Variants in HPSE2 observed in about 807,000 individuals in gnomAD.
HPSE2 encodes inactive heparanase-2.
A neutral mutation model predicts 60.5 loss-of-function variants in HPSE2; 38 were observed. That is an observed-to-expected ratio of 0.63 (90% CI 0.48 to 0.82). The LOEUF is 0.82. Among genes scored for constraint, HPSE2 ranks in the 40% least tolerant of loss-of-function variants. HPSE2 has a pLI of 0.00. For missense variants in HPSE2, 713 were observed against 740.4 expected (o/e 0.96, Z 0.43); for synonymous variants, 295 against 293.2 (o/e 1.01, Z -0.06).
intron 3 of HPSE2, among the ~76,000 whole-genome samples, chr10:98,843,690 C>T (rs1346575660): frequency 6.6e-6 from 1 of 152,170 alleles, no homozygotes; most frequent in African/African-American, 2.4e-5. Context: ...CATGAAAAAA[C>T]CAGCATTTTA....
chr10:98,668,955 G>A (rs72840540), intron 6 of HPSE2, among the ~76,000 whole-genome samples: 3 of 151,998 alleles, frequency 2.0e-5, no homozygotes, highest in Non-Finnish European at 2.9e-5. Context: ...TAACAATGGA[G>A]TAAATAGCCT....
the HPSE2 span, among the ~76,000 whole-genome samples, chr10:99,274,329 C>G: frequency 6.6e-6 from 1 of 152,144 alleles, no homozygotes; most frequent in Non-Finnish European, 1.5e-5. Context: ...GCCTGGGACT[C>G]TGTCTCAAAA....
At chr10:98,795,019 A>AAGGAAGGAAGGAAGGAAGGAAG (rs1554996928) in intron 3 of HPSE2, among the ~76,000 whole-genome samples, 2 of 56,098 alleles carry the variant, frequency 3.6e-5, no homozygotes, top group African/African-American at 1.7e-4. Context: ...AGAGAGAGAG[A>AAGGAAGGAAGGAAGGAAGGAAG]GAAGGAAGGA....
intron 3 of HPSE2, among the ~76,000 whole-genome samples, chr10:98,800,335 C>T (rs1950876140): frequency 6.6e-6 from 1 of 151,098 alleles, no homozygotes; most frequent in Non-Finnish European, 1.5e-5. Context: ...CACCACTGCA[C>T]TCTACCTGGA....
At chr10:99,044,432 A>C (rs1275372632) in intron 3 of HPSE2, among the ~76,000 whole-genome samples, 1 of 152,238 alleles carries the variant, frequency 6.6e-6, no homozygotes, top group Non-Finnish European at 1.5e-5. Flanking sequence ...CAGGCACTAT[A>C]AAGCAATCAC....
At chr10:99,309,398 A>T in the HPSE2 span, among the ~76,000 whole-genome samples, 1 of 152,240 alleles carries the variant, frequency 6.6e-6, no homozygotes, top group Non-Finnish European at 1.5e-5. Flanking sequence ...TTCACAAAAG[A>T]GTACAACTAA....
At chr10:98,629,888 G>A (rs1040258763) in intron 7 of HPSE2, among the ~76,000 whole-genome samples, 6 of 152,012 alleles carry the variant, frequency 3.9e-5, no homozygotes, top group African/African-American at 1.2e-4. Context: ...ACAATATTTC[G>A]CCAAAATTCT....
chr10:99,094,214 G>C (rs61508114), intron 3 of HPSE2, among the ~76,000 whole-genome samples: 1,708 of 151,776 alleles, frequency 0.011, 35 homozygotes, highest in African/African-American at 0.038. Context: ...ATTGGAGCAG[G>C]GTTTGTCGTC....
chr10:98,637,431 A>G (rs1339708513), intron 7 of HPSE2, among the ~76,000 whole-genome samples: 2 of 152,236 alleles, frequency 1.3e-5, no homozygotes, highest in Admixed American at 6.5e-5. Context: ...AACTATAACA[A>G]CAATAATAAT....
At chr10:98,656,495 T>C (rs936887910) in intron 6 of HPSE2, among the ~76,000 whole-genome samples, 1 of 152,190 alleles carries the variant, frequency 6.6e-6, no homozygotes, top group African/African-American at 2.4e-5. Flanking sequence ...CTTCTATGCC[T>C]TTGAGAGAAT....
chr10:99,094,538 ATATTTT>A (rs1472105941), intron 3 of HPSE2, among the ~76,000 whole-genome samples: 2 of 22,730 alleles, frequency 8.8e-5, no homozygotes, highest in African/African-American at 2.6e-4. Context: ...ATATATATAT[ATATTTT>A]TTTTTTTTTT....
At chr10:99,304,623 T>C in the HPSE2 span, among the ~76,000 whole-genome samples, 1 of 152,156 alleles carries the variant, frequency 6.6e-6, no homozygotes, top group Non-Finnish European at 1.5e-5. Context: ...ATAAGGAGTA[T>C]CAGAAACAAA....
chr10:98,957,289 G>A (rs1955533872), intron 3 of HPSE2, among the ~76,000 whole-genome samples: 1 of 152,094 alleles, frequency 6.6e-6, no homozygotes, highest in Admixed American at 6.6e-5. Context: ...CCCAAGAAAT[G>A]GCACCTCTTT....
intron 9 of HPSE2, among the ~76,000 whole-genome samples, chr10:98,585,620 A>G (rs1564989404): frequency 2.0e-5 from 3 of 151,590 alleles, no homozygotes. Context: ...ATTTGATGCC[A>G]AATGTTTTAT....
intron 6 of HPSE2, among the ~76,000 whole-genome samples, chr10:98,682,476 C>T (rs1325335690): frequency 2.0e-5 from 3 of 152,080 alleles, no homozygotes; most frequent in South Asian, 2.1e-4. Context: ...GCTTGTGACA[C>T]CTATGTTAGC....
At chr10:98,556,972 C>T (rs1252758) in intron 9 of HPSE2, among the ~76,000 whole-genome samples, 1 of 151,860 alleles carries the variant, frequency 6.6e-6, no homozygotes, top group African/African-American at 2.4e-5. Flanking sequence ...GCACTTTGGG[C>T]GGCTGAGGGG....
chr10:98,564,591 A>G (rs1944285827), intron 9 of HPSE2, among the ~76,000 whole-genome samples: 1 of 152,264 alleles, frequency 6.6e-6, no homozygotes, highest in South Asian at 2.1e-4. Flanking sequence ...ACTAGTTCAC[A>G]GCACAAAGCA....
At chr10:99,102,439 T>C (rs1024599846) in intron 3 of HPSE2, among the ~76,000 whole-genome samples, 2 of 152,124 alleles carry the variant, frequency 1.3e-5, no homozygotes, top group African/African-American at 4.8e-5. Flanking sequence ...CAGGAAGAAG[T>C]TGAATCCCTG....
intron 5 of HPSE2, among the ~76,000 whole-genome samples, chr10:98,694,248 A>G (rs888686354): frequency 6.6e-6 from 1 of 152,170 alleles, no homozygotes; most frequent in East Asian, 1.9e-4. Flanking sequence ...TCCCACATCA[A>G]TTTCCTCATA....
Sources: allele counts gnomAD v4.1 joint callset (sites outside exome capture counted in the v4.1 genomes callset), GRCh38; gene constraint gnomAD v4.1.1; transcripts MANE v1.5; gene names NCBI Gene and HGNC (gene_info 2026-07-23, HGNC 2026-07-21).